Variants in AGPS observed in about 807,000 individuals in gnomAD.
AGPS encodes the protein alkyldihydroxyacetonephosphate synthase, peroxisomal.
AGPS carries 26 observed loss-of-function variants against 90.7 expected under a neutral mutation model. That is an observed-to-expected ratio of 0.29 (90% CI 0.21 to 0.40). AGPS has a LOEUF of 0.40. AGPS is among the 10% of genes least tolerant of loss of function. AGPS has a pLI of 1.00. For synonymous variants in AGPS, 294 were observed against 285.3 expected, an observed-to-expected ratio of 1.03 and a Z score of -0.31; for missense variants, 540 against 816.1, an observed-to-expected ratio of 0.66 and a Z score of 4.12.
chr2:177,445,096 A>G (rs990076667), intron 7 of AGPS, among the ~76,000 whole-genome samples: 7 of 152,324 alleles, frequency 4.6e-5, no homozygotes, highest in Non-Finnish European at 7.3e-5. Flanking sequence ...CTTAAATTAG[A>G]TAGTGATTGC....
chr2:177,396,309 A>G (rs972867828), intron 1 of AGPS, among the ~76,000 whole-genome samples: 1 of 152,206 alleles, frequency 6.6e-6, no homozygotes, highest in African/African-American at 2.4e-5. Flanking sequence ...CTTGTGGGTT[A>G]TCAGTCCATT....
At chr2:177,481,295 A>G (rs1235093697) in intron 10 of AGPS, among the ~76,000 whole-genome samples, 1 of 152,084 alleles carries the variant, frequency 6.6e-6, no homozygotes, top group African/African-American at 2.4e-5. Flanking sequence ...TGAATATAAT[A>G]GTTTAACTTA....
chr2:177,394,087 A>G (rs1172768982), intron 1 of AGPS, among the ~76,000 whole-genome samples: 24 of 152,242 alleles, frequency 1.6e-4, no homozygotes, highest in Admixed American at 1.6e-3. Context: ...AGCACATCAA[A>G]TTGACTTCAT....
intron 12 of AGPS, among the ~76,000 whole-genome samples, chr2:177,497,002 A>T (rs535687088): frequency 8.5e-5 from 13 of 152,202 alleles, no homozygotes; most frequent in African/African-American, 2.6e-4. Flanking sequence ...GGCCAGATGC[A>T]TGACTCTTAA....
chr2:177,483,113 CTG>C (rs1281487652), intron 11 of AGPS, among the ~76,000 whole-genome samples: 1 of 152,088 alleles, frequency 6.6e-6, no homozygotes. Flanking sequence ...GAGGAAGAAT[CTG>C]TTGAGGCAAA....
chr2:177,472,928 C>G (rs1293424478), intron 10 of AGPS, among the ~76,000 whole-genome samples: 1 of 152,164 alleles, frequency 6.6e-6, no homozygotes, highest in Non-Finnish European at 1.5e-5. Flanking sequence ...CTTCCCATAG[C>G]CAGGGCTATG....
chr2:177,462,186 C>A (rs1002766566), intron 9 of AGPS, among the ~76,000 whole-genome samples, 168 bp downstream of exon 9: 2 of 151,640 alleles, frequency 1.3e-5, no homozygotes, highest in East Asian at 3.9e-4. Flanking sequence ...GTCAGGAGAT[C>A]GAGACCATCC....
intron 9 of AGPS, among the ~76,000 whole-genome samples, chr2:177,464,406 A>G (rs2105669832): frequency 6.6e-6 from 1 of 152,210 alleles, no homozygotes; most frequent in East Asian, 1.9e-4. Context: ...GAACGTGTTA[A>G]TATATTTCGT....
At chr2:177,458,799 T>C (rs1687197887) in intron 8 of AGPS, among the ~76,000 whole-genome samples, 1 of 152,214 alleles carries the variant, frequency 6.6e-6, no homozygotes, top group Non-Finnish European at 1.5e-5. Context: ...ACCACTTACT[T>C]TCTTCACAGA....
intron 17 of AGPS, among the ~76,000 whole-genome samples, chr2:177,518,070 TA>T (rs1382657158): frequency 6.6e-6 from 1 of 152,228 alleles, no homozygotes; most frequent in African/African-American, 2.4e-5. Flanking sequence ...TAACTTAGAC[TA>T]CTTGGTTAGG....
At position 177,541,354 on chromosome 2, in the gene AGPS, A is replaced by C. The variant is rs566612430; in HGVS notation, c.*3159A>C. The C allele has an allele frequency of 2.0e-5, 3 of 152,130 alleles. No homozygotes were observed. Among genetic ancestry groups the C allele is most frequent in the Non-Finnish European group, 2.9e-5 (2 of 67,998 alleles). The allele number at this position is 152,130 out of a possible 1,614,324, so 9.4% of individuals were successfully genotyped here. A position where few individuals can be genotyped will look rare whatever the true frequency, so the allele number is the denominator to read the frequency against. The stretch of plus-strand genomic sequence containing the variant: ...TCATATTCCTTTATAGCTACAACTT[A>C]ACTGTAGCTTATCAGAGAAGCTCTG... On this transcript the variant is annotated 3_prime_UTR_variant, in exon 20 of 20. Transcript: ENST00000264167.
At chr2:177,447,596 A>G (rs1268406995) in intron 8 of AGPS, among the ~76,000 whole-genome samples, 1 of 148,936 alleles carries the variant, frequency 6.7e-6, no homozygotes, top group Non-Finnish European at 1.5e-5. Flanking sequence ...AACCTTTCCA[A>G]GTTTTCTTTT....
chr2:177,427,675 C>G (rs60670838), intron 2 of AGPS, among the ~76,000 whole-genome samples: 2 of 151,882 alleles, frequency 1.3e-5, no homozygotes, highest in Non-Finnish European at 2.9e-5. Flanking sequence ...TGATTCTAAC[C>G]TGATTGTGTT....
chr2:177,435,417 T>A (rs1477282443), intron 3 of AGPS, among the ~76,000 whole-genome samples: 4 of 152,142 alleles, frequency 2.6e-5, no homozygotes, highest in African/African-American at 9.6e-5. Context: ...CTATTTGCAA[T>A]TACTTGTTTT....
chr2:177,465,171 G>A (rs1687410152), intron 9 of AGPS, among the ~76,000 whole-genome samples: 1 of 152,116 alleles, frequency 6.6e-6, no homozygotes, highest in Non-Finnish European at 1.5e-5. Context: ...GCACATACTT[G>A]TAGTTCTAGC....
intron 10 of AGPS, among the ~76,000 whole-genome samples, chr2:177,470,357 CTG>C (rs1687575926): frequency 6.6e-6 from 1 of 152,084 alleles, no homozygotes; most frequent in South Asian, 2.1e-4. Flanking sequence ...TAGTCACTAA[CTG>C]TATGAATTTA....
In AGPS at chr2:177,543,591, A is replaced by G. The variant is rs538914059; in HGVS notation, c.*5396A>G. 14 of 152,330 alleles carry G rather than the reference A, an allele frequency of 9.2e-5. No individual in the cohort carries two copies. Among genetic ancestry groups the G allele is most frequent in the East Asian group, 7.7e-4 (4 of 5,190 alleles). The allele number at this position is 152,330 out of a possible 1,614,324, so 9.4% of individuals were successfully genotyped here. On this transcript the variant is annotated 3_prime_UTR_variant, in exon 20 of 20. Transcript: ENST00000264167. Reference sequence around the variant, plus strand: ...ACAAACAATTCTTCTCTTTACATTTATAGTCTAAAAGGGGATATGCAGTGG... The same window carrying G: ...ACAAACAATTCTTCTCTTTACATTTGTAGTCTAAAAGGGGATATGCAGTGG...
intron 16 of AGPS, among the ~76,000 whole-genome samples, chr2:177,510,985 C>A (rs977824970): frequency 1.3e-5 from 2 of 152,178 alleles, no homozygotes; most frequent in African/African-American, 2.4e-5. Context: ...ATGGCTGCAC[C>A]TGTTAGGTTC....
intron 10 of AGPS, among the ~76,000 whole-genome samples, chr2:177,470,672 C>T (rs561251830): frequency 1.4e-5 from 2 of 138,966 alleles, no homozygotes. Flanking sequence ...GATTATGCCA[C>T]TACACTCCAG....
Sources: gnomAD v4.1 joint callset for allele counts (sites outside exome capture counted in the v4.1 genomes callset) on GRCh38, gnomAD v4.1.1 for gene constraint, MANE v1.5 for transcripts, NCBI Gene and HGNC (gene_info 2026-07-23, HGNC 2026-07-21) for gene names.